Variants in NPIPB2 observed in about 807,000 individuals in gnomAD.
The protein encoded by NPIPB2 is nuclear pore complex-interacting protein family member B2.
A neutral mutation model predicts 30.8 loss-of-function variants in NPIPB2; 27 were observed. The observed-to-expected ratio is 0.88, with a 90% CI of 0.65 to 1.21. The LOEUF (loss-of-function observed/expected upper bound fraction) is 1.21, where lower values mean the gene tolerates loss of function less well. Among genes scored for constraint, NPIPB2 ranks in the 50% most tolerant of loss-of-function variants. The pLI, the probability that NPIPB2 is intolerant of heterozygous loss-of-function variation, is 0.00. For missense variants in NPIPB2, 440 were observed against 446.2 expected, an observed-to-expected ratio of 0.99 and a Z score of 0.13; for synonymous variants, 147 against 162.0, an observed-to-expected ratio of 0.91 and a Z score of 0.70.
chr16:11,954,497 GA>G (rs963713182), intron 1 of NPIPB2, among the ~76,000 whole-genome samples: 2 of 146,114 alleles, frequency 1.4e-5, no homozygotes, highest in African/African-American at 2.5e-5. Flanking sequence ...AAAAAAGAAA[GA>G]AAAAAAAGAA....
chr16:11,973,794 C>A (rs966188312), intron 1 of NPIPB2, among the ~76,000 whole-genome samples: 3 of 151,980 alleles, frequency 2.0e-5, no homozygotes, highest in African/African-American at 7.3e-5. Context: ...CCGCACCCAG[C>A]CAAATTATCA....
chr16:11,968,180 T>A (rs1363322865), intron 1 of NPIPB2: 1 of 252,692 alleles, frequency 4.0e-6, no homozygotes, highest in African/African-American at 2.3e-5. Flanking sequence ...CTATTGATAA[T>A]AAAGCTCCAG....
At chr16:11,966,275 T>C in intron 1 of NPIPB2, 1 of 1,614,056 alleles carries the variant, frequency 6.2e-7, no homozygotes, top group Non-Finnish European at 8.5e-7. Context: ...TTTGGCAGTT[T>C]TCGTGCTAAT....
intron 2 of NPIPB2, among the ~76,000 whole-genome samples, chr16:11,934,754 G>A (rs2054842568): frequency 6.9e-6 from 1 of 145,022 alleles, no homozygotes; most frequent in Non-Finnish European, 1.5e-5. Context: ...AGCTACTTGG[G>A]AGGCTGAGGC....
intron 1 of NPIPB2, among the ~76,000 whole-genome samples, chr16:11,940,986 A>AT (rs1317847411): frequency 6.8e-6 from 1 of 146,146 alleles, no homozygotes; most frequent in Non-Finnish European, 1.5e-5. Flanking sequence ...CTTTTTTGGA[A>AT]TTTTTTGTAG....
At chr16:11,939,174 T>C (rs2054905712) in intron 1 of NPIPB2, among the ~76,000 whole-genome samples, 1 of 147,360 alleles carries the variant, frequency 6.8e-6, no homozygotes, top group African/African-American at 2.5e-5. Flanking sequence ...ATTATATGAA[T>C]CTTTGTCATT....
intron 1 of NPIPB2, among the ~76,000 whole-genome samples, chr16:11,950,124 C>A (rs1371978939): frequency 6.6e-6 from 1 of 152,142 alleles, no homozygotes; most frequent in Non-Finnish European, 1.5e-5. Flanking sequence ...TAGCCACCTC[C>A]CGGGTTCAAG....
intron 1 of NPIPB2, among the ~76,000 whole-genome samples, chr16:11,962,519 G>T (rs530105797): frequency 6.6e-6 from 1 of 151,216 alleles, no homozygotes; most frequent in Non-Finnish European, 1.5e-5. Flanking sequence ...GGCTGAGGCA[G>T]GAGAATGGCA....
upstream of NPIPB2, among the ~76,000 whole-genome samples, chr16:11,944,998 G>A (rs2054990187): frequency 3.3e-5 from 5 of 150,742 alleles, no homozygotes; most frequent in South Asian, 1.0e-3. Flanking sequence ...GACCAACATG[G>A]AGAAACCCCA....
upstream of NPIPB2, among the ~76,000 whole-genome samples, chr16:11,942,842 G>A (rs891047798): frequency 2.2e-4 from 33 of 152,108 alleles, no homozygotes; most frequent in Non-Finnish European, 3.8e-4. Flanking sequence ...CCTTCTGCCC[G>A]ATCACACAGA....
chr16:11,944,366 C>T (rs1304623500), upstream of NPIPB2, among the ~76,000 whole-genome samples: 1 of 151,772 alleles, frequency 6.6e-6, no homozygotes, highest in African/African-American at 2.4e-5. Context: ...GGGGGTTTCA[C>T]GATGTTGCCA....
intron 1 of NPIPB2, chr16:11,967,482 G>T: frequency 7.4e-7 from 1 of 1,347,488 alleles, no homozygotes; most frequent in South Asian, 1.4e-5. Flanking sequence ...CTCTCACATT[G>T]CTTTGAGTCC....
exon 8 of NPIPB2, chr16:11,927,390 G>T: frequency 7.6e-6 from 7 of 922,604 alleles, no homozygotes; most frequent in Non-Finnish European, 1.0e-5. Flanking sequence ...TGAGTGCAAT[G>T]GCCTGTTCTC....
At chr16:11,971,028 T>A (rs181527926) in intron 1 of NPIPB2, among the ~76,000 whole-genome samples, 3 of 151,942 alleles carry the variant, frequency 2.0e-5, no homozygotes, top group Non-Finnish European at 4.4e-5. Flanking sequence ...TAATTTTTTT[T>A]ATTCTTTTAG....
At chr16:11,965,432 A>G in intron 1 of NPIPB2, 1 of 1,614,004 alleles carries the variant, frequency 6.2e-7, no homozygotes, top group Non-Finnish European at 8.5e-7. Flanking sequence ...CTCCTCTAAC[A>G]TGTCAGCGTT....
At position 11,956,670 on chromosome 16, in the gene NPIPB2, T is replaced by C. The variant is rs553122022; in HGVS notation, c.-583-14556A>G. 2.9e-3 allele frequency among the ~76,000 whole-genome samples: 444 copies of C among 152,244 alleles called. 2 individuals carry two copies. The highest frequency in any genetic ancestry group is 7.7e-3 in the South Asian group (37 of 4,830). On this transcript the variant is annotated intron_variant, in intron 1 of 5. Transcript: ENST00000538896. ...CAGCCTGGGGAACACAGTGAGACTCTGTCTCAAAAGAAAAGAAAAGAAAAG... is the reference window on the plus strand; with the variant it reads ...CAGCCTGGGGAACACAGTGAGACTCCGTCTCAAAAGAAAAGAAAAGAAAAG...
At chr16:11,956,278 G>T (rs1365440544) in intron 1 of NPIPB2, 1 of 152,204 alleles carries the variant, frequency 6.6e-6, no homozygotes, top group Non-Finnish European at 1.5e-5. Flanking sequence ...GGCTCTGTGG[G>T]CTCTTAGTGG....
chr16:11,956,291 A>G (rs2055112075), intron 1 of NPIPB2: 1 of 152,214 alleles, frequency 6.6e-6, no homozygotes, highest in South Asian at 2.1e-4. Context: ...CTTAGTGGAA[A>G]GCCCACAGGG....
chr16:11,930,371 T>C (rs2054774828), intron 5 of NPIPB2, 79 bp downstream of exon 5: 1 of 1,289,856 alleles, frequency 7.8e-7, no homozygotes, highest in African/African-American at 1.6e-5. Context: ...ATTTACTGGG[T>C]CTAAACATTG....
Sources: allele counts gnomAD v4.1 joint callset (sites outside exome capture counted in the v4.1 genomes callset), GRCh38; gene constraint gnomAD v4.1.1; transcripts MANE v1.5; gene names NCBI Gene and HGNC (gene_info 2026-07-23, HGNC 2026-07-21).